The following TNFRSF10A variants were observed in gnomAD, a reference collection of about 807,000 sequenced individuals.
The protein encoded by TNFRSF10A is TNF receptor superfamily member 10a, also known as tumor necrosis factor receptor superfamily member 10A.
In TNFRSF10A, 44 loss-of-function variants were observed where a neutral mutation model predicts 42.8. The observed-to-expected ratio is 1.03, with a 90% CI of 0.81 to 1.32. The LOEUF (loss-of-function observed/expected upper bound fraction) is 1.32, where lower values mean the gene tolerates loss of function less well. TNFRSF10A is among the 40% of genes most tolerant of loss of function. The pLI, the probability that TNFRSF10A is intolerant of heterozygous loss-of-function variation, is 0.00. For synonymous variants in TNFRSF10A, 259 were observed against 234.2 expected (o/e 1.11, Z -0.97); for missense variants, 680 against 602.0 (o/e 1.13, Z -1.36).
intron 9 of TNFRSF10A, among the ~76,000 whole-genome samples, chr8:23,193,670 T>G (rs1800784237): frequency 6.6e-6 from 1 of 152,224 alleles, no homozygotes; most frequent in Non-Finnish European, 1.5e-5. Context: ...CAATTTTTGT[T>G]GGCAGGTTGA....
chr8:23,219,739 G>A (rs910968081), intron 1 of TNFRSF10A, among the ~76,000 whole-genome samples: 1 of 152,208 alleles, frequency 6.6e-6, no homozygotes, highest in Non-Finnish European at 1.5e-5. Flanking sequence ...TCTTCATCAG[G>A]ACTGTCCCCG....
chr8:23,202,583 G>A, intron 3 of TNFRSF10A, 65 bp downstream of exon 3: 1 of 1,326,870 alleles, frequency 7.5e-7, no homozygotes, highest in Admixed American at 1.7e-5. Flanking sequence ...GACTCACATT[G>A]GCTACCACTC....
At chr8:23,196,985 T>C in intron 9 of TNFRSF10A, 147 bp downstream of exon 9, 1 of 1,012,688 alleles carries the variant, frequency 9.9e-7, no homozygotes, top group Non-Finnish European at 1.5e-6. Context: ...GAGAAGACAA[T>C]TTAGGGTCTT....
intron 1 of TNFRSF10A, among the ~76,000 whole-genome samples, chr8:23,221,587 A>G (rs1164538267): frequency 6.6e-6 from 1 of 152,174 alleles, no homozygotes; most frequent in East Asian, 1.9e-4. Context: ...GGACAGAGAC[A>G]TTATCTCCAT....
chr8:23,208,305 T>G (rs1355545283), intron 2 of TNFRSF10A, among the ~76,000 whole-genome samples: 1 of 152,214 alleles, frequency 6.6e-6, no homozygotes, highest in Admixed American at 6.5e-5. Context: ...GCAGAAGAAA[T>G]TTCTAGGCAG....
intron 4 of TNFRSF10A, 133 bp from the exon 5 acceptor site, chr8:23,200,893 A>G: frequency 2.3e-6 from 2 of 862,548 alleles, no homozygotes; most frequent in Admixed American, 1.9e-5. Flanking sequence ...TCGTATCTGC[A>G]GGGGGTCCCC....
chr8:23,210,145 A>C (rs915039104), intron 2 of TNFRSF10A, among the ~76,000 whole-genome samples: 1 of 152,192 alleles, frequency 6.6e-6, no homozygotes, highest in Non-Finnish European at 1.5e-5. Flanking sequence ...GTCTTCTGCC[A>C]TGATTGTGAG....
chr8:23,203,683 G>A (rs1201136093), intron 2 of TNFRSF10A, among the ~76,000 whole-genome samples: 1 of 152,122 alleles, frequency 6.6e-6, no homozygotes, highest in African/African-American at 2.4e-5. Context: ...AAACTTCCTT[G>A]ATAATGTGTT....
At chr8:23,192,753 T>C (rs1002183301) in intron 9 of TNFRSF10A, among the ~76,000 whole-genome samples, 2 of 152,230 alleles carry the variant, frequency 1.3e-5, no homozygotes, top group African/African-American at 4.8e-5. Flanking sequence ...GCAATGAGTA[T>C]ACAAAAACTG....
chr8:23,200,543 A>G lies in TNFRSF10A; in HGVS notation c.761T>C (p.Leu254Ser). ...LVVTLVVPLL[L>S]VAVLIVCCCI... ...ACAACAGACAATCAGCACAGCCACC[A>G]ACAGCAACGGAACAACCAAAGTCAC... Residue 254 changes from leucine (L) to serine (S), a missense_variant, in exon 6 of 10, where the codon TTG (leucine) becomes TCG (serine). By Grantham distance (145) the Leu-to-Ser change is moderately radical. Coordinates refer to ENST00000221132, the MANE Select transcript of TNFRSF10A (RefSeq NM_003844.4). 1 of 1,614,208 alleles carries G rather than the reference A, an allele frequency of 6.2e-7. No individual in the cohort carries two copies. The highest frequency in any genetic ancestry group is 8.5e-7 in the Non-Finnish European group (1 of 1,180,030).
chr8:23,223,478 A>G (rs1439317900), intron 1 of TNFRSF10A, among the ~76,000 whole-genome samples: 3 of 152,270 alleles, frequency 2.0e-5, no homozygotes, highest in Non-Finnish European at 4.4e-5. Context: ...GAATCGCACT[A>G]GCCTGTCAAA....
intron 2 of TNFRSF10A, among the ~76,000 whole-genome samples, chr8:23,203,025 A>T (rs1800957065): frequency 6.6e-6 from 1 of 152,228 alleles, no homozygotes; most frequent in Non-Finnish European, 1.5e-5. Flanking sequence ...GGTCAAATTA[A>T]TTTTAACAAT....
chr8:23,202,769 G>C lies in TNFRSF10A; in HGVS notation c.404-8C>G. On this transcript the variant is annotated splice_polypyrimidine_tract_variant and splice_region_variant and intron_variant, in intron 2 of 9. Transcript: ENST00000221132. ...GTTCTGATCTATGAGATCCTGGGAAGGGAGAGAAAAGCCAATGAATGAATT... is the reference window on the plus strand; with the variant it reads ...GTTCTGATCTATGAGATCCTGGGAACGGAGAGAAAAGCCAATGAATGAATT... 4 of 1,596,286 alleles carry C rather than the reference G, an allele frequency of 2.5e-6. No homozygotes were observed. The South Asian group carries it at 3.3e-5, about 13-fold the overall frequency.
intron 1 of TNFRSF10A, among the ~76,000 whole-genome samples, chr8:23,214,076 T>C (rs1801139237): frequency 6.6e-6 from 1 of 151,250 alleles, no homozygotes; most frequent in African/African-American, 2.4e-5. Flanking sequence ...TCCCACAATC[T>C]GCCCACCTTG....
At chr8:23,201,686 G>A (rs1800919977) in intron 4 of TNFRSF10A, 122 bp downstream of exon 4, 1 of 855,746 alleles carries the variant, frequency 1.2e-6, no homozygotes, top group African/African-American at 1.7e-5. Context: ...CACCTATGGG[G>A]GTGGAGGCAC....
intron 1 of TNFRSF10A, among the ~76,000 whole-genome samples, chr8:23,220,529 A>G (rs761596623): frequency 3.9e-5 from 6 of 152,212 alleles, no homozygotes; most frequent in Non-Finnish European, 8.8e-5. Context: ...TAAACTAGGC[A>G]GATATAAAAT....
intron 1 of TNFRSF10A, among the ~76,000 whole-genome samples, chr8:23,220,175 C>T (rs1030923695): frequency 6.6e-6 from 1 of 152,190 alleles, no homozygotes; most frequent in Non-Finnish European, 1.5e-5. Context: ...GTCCAACAGG[C>T]AGCTGCTATT....
intron 1 of TNFRSF10A, among the ~76,000 whole-genome samples, chr8:23,212,759 T>C (rs1301795917): frequency 6.6e-6 from 1 of 152,234 alleles, no homozygotes; most frequent in Non-Finnish European, 1.5e-5. Flanking sequence ...AGTTGTATAA[T>C]TCTTATAGAT....
At position 23,202,630 on chromosome 8, in the gene TNFRSF10A, G is replaced by A; in HGVS notation, c.517+18C>T. Reference sequence around the variant, plus strand: ...CCCCTCACTCCACCTCTGGACAAGAGGTCCACACATTCTGTACCTGATTTA... The same window carrying A: ...CCCCTCACTCCACCTCTGGACAAGAAGTCCACACATTCTGTACCTGATTTA... On this transcript the variant is annotated intron_variant, in intron 3 of 9. Coordinates refer to ENST00000221132, the MANE Select transcript of TNFRSF10A (RefSeq NM_003844.4). The A allele has an allele frequency of 6.3e-7, 1 of 1,597,094 alleles. No individual in the cohort carries two copies. The highest frequency in any genetic ancestry group is 8.6e-7 in the Non-Finnish European group (1 of 1,164,732).
Sources: gnomAD v4.1 joint callset for allele counts (sites outside exome capture counted in the v4.1 genomes callset) on GRCh38, gnomAD v4.1.1 for gene constraint, MANE v1.5 for transcripts, NCBI Gene and HGNC (gene_info 2026-07-23, HGNC 2026-07-21) for gene names.